SATB1: variants seen among roughly 807,000 people sequenced by gnomAD.
The protein encoded by SATB1 is SATB homeobox 1.
A neutral mutation model predicts 86.9 loss-of-function variants in SATB1; 11 were observed. The observed-to-expected ratio is 0.13, with a 90% CI of 0.08 to 0.21. The LOEUF is 0.21. SATB1 is among the 10% of genes least tolerant of loss of function. The pLI is 1.00. For missense variants in SATB1, 551 were observed against 937.6 expected (o/e 0.59, Z 5.39); for synonymous variants, 357 against 357.2 (o/e 1.00, Z 0.01).
chr3:18,416,691 A>G (rs1359042729), intron 3 of SATB1, among the ~76,000 whole-genome samples: 1 of 150,070 alleles, frequency 6.7e-6, no homozygotes, highest in Non-Finnish European at 1.5e-5. Context: ...GAAGTAATTT[A>G]AAAAAAAAAT....
rs1332190661 is a variant in SATB1, at chr3:18,347,784, ATG to A, written c.*1384_*1385del. On this transcript the variant is annotated 3_prime_UTR_variant, in exon 11 of 11. Coordinates refer to ENST00000338745, the MANE Select transcript of SATB1 (RefSeq NM_002971.6). ...ATTTCATACCTATTTAAAAATGAGC[ATG>A]TGTTTGTGATTTAAATTTACAGTGT... 6.6e-6 allele frequency: 1 copy of A among 152,202 alleles called. No homozygotes were observed. The highest frequency in any genetic ancestry group is 1.5e-5 in the Non-Finnish European group (1 of 68,010). 9.4% of individuals were successfully genotyped at this position (152,202 alleles called of 1,614,324 possible). A position where few individuals can be genotyped will look rare whatever the true frequency, so the allele number is the denominator to read the frequency against.
chr3:18,444,669 C>T lies in SATB1; in HGVS notation c.-25+849G>A, dbSNP rs2125216687. The T allele has an allele frequency of 1.0e-6, 1 of 983,974 alleles. No homozygotes were observed. The highest frequency in any genetic ancestry group is 1.2e-4 in the East Asian group (1 of 8,618). 61.0% of individuals were successfully genotyped at this position (983,974 alleles called of 1,614,324 possible). On this transcript the variant is annotated intron_variant, in intron 1 of 3. Transcript: ENST00000415069. The surrounding 1 kb of genome is among the most constrained non-coding windows in gnomAD (Gnocchi z 5.1). ...TGCGGGCCTGAAACCAAGAACGGCT[C>T]CCCGGGCGGGCGCGCCGGCGTCGGA...
rs150110315 is a variant in SATB1, at chr3:18,373,869, T to G, written c.1575+4301A>C. Among the ~76,000 whole-genome samples, 155 of 152,274 alleles carry G rather than the reference T, an allele frequency of 1.0e-3. 1 individual carries two copies. The highest frequency in any genetic ancestry group is 3.3e-3 in the African/African-American group (139 of 41,560). ...TTTTTTGTATTAAAAACATACCTATTCATCAGCCAAAGTTGTAGCAGCCAG... is the reference window on the plus strand; with the variant it reads ...TTTTTTGTATTAAAAACATACCTATGCATCAGCCAAAGTTGTAGCAGCCAG... On this transcript the variant is annotated intron_variant, in intron 9 of 10. Coordinates refer to ENST00000338745, the MANE Select transcript of SATB1 (RefSeq NM_002971.6).
intron 9 of SATB1, among the ~76,000 whole-genome samples, chr3:18,355,967 T>C (rs1228967909): frequency 6.6e-6 from 1 of 152,014 alleles, no homozygotes; most frequent in Non-Finnish European, 1.5e-5. Flanking sequence ...AGTAAAACTT[T>C]CAGGATGTTA....
At chr3:18,379,139 T>C (rs1472003241) in intron 8 of SATB1, among the ~76,000 whole-genome samples, 4 of 152,198 alleles carry the variant, frequency 2.6e-5, no homozygotes, top group Non-Finnish European at 5.9e-5. Flanking sequence ...AAAATCAGCA[T>C]CAATGCCTTT....
rs922915635 is a variant in SATB1, at chr3:18,348,308, G to A, written c.*862C>T. On this transcript the variant is annotated 3_prime_UTR_variant, in exon 11 of 11. Coordinates refer to ENST00000338745, the MANE Select transcript of SATB1 (RefSeq NM_002971.6). ...TAGTATGAATTGCTTGGATAACATA[G>A]AGCACTTTTTATAGGCAACTGTGTA... 2 of 152,674 alleles carry A rather than the reference G, an allele frequency of 1.3e-5. No individual in the cohort carries two copies. The highest frequency in any genetic ancestry group is 6.5e-5 in the Admixed American group (1 of 15,306). The allele number at this position is 152,674 out of a possible 1,614,324, so 9.5% of individuals were successfully genotyped here. A position where few individuals can be genotyped will look rare whatever the true frequency, so the allele number is the denominator to read the frequency against.
chr3:18,383,745 A>G (rs1236052421), intron 8 of SATB1, among the ~76,000 whole-genome samples: 2 of 152,166 alleles, frequency 1.3e-5, no homozygotes. Flanking sequence ...TTCAACTGCT[A>G]CAAGACAGCA....
chr3:18,418,192 C>T (rs182954905), intron 2 of SATB1, among the ~76,000 whole-genome samples: 18 of 152,228 alleles, frequency 1.2e-4, no homozygotes, highest in Admixed American at 9.8e-4. Context: ...ATACTAATGC[C>T]TCTATAAGCT....
chr3:18,353,061 G>GT (rs1312718888), intron 9 of SATB1: 3 of 152,236 alleles, frequency 2.0e-5, no homozygotes, highest in African/African-American at 7.2e-5. Context: ...AAGGGGAAGA[G>GT]TAAGGGTGTC....
intron 7 of SATB1, among the ~76,000 whole-genome samples, chr3:18,388,603 T>C (rs2125213784): frequency 6.6e-6 from 1 of 152,184 alleles, no homozygotes; most frequent in African/African-American, 2.4e-5. Context: ...AAGACCACAA[T>C]GGAGAAAACA....
intron 9 of SATB1, among the ~76,000 whole-genome samples, chr3:18,364,230 A>T (rs1158664374): frequency 6.6e-6 from 1 of 152,184 alleles, no homozygotes; most frequent in Non-Finnish European, 1.5e-5. Context: ...GCCTTTTCAG[A>T]ACAGCGTTTT....
chr3:18,346,942 T>C lies in SATB1; in HGVS notation c.*2228A>G, dbSNP rs1190525422. 2 of 152,164 alleles carry C rather than the reference T, an allele frequency of 1.3e-5. No homozygotes were observed. Among genetic ancestry groups the C allele is most frequent in the South Asian group, 2.1e-4 (1 of 4,830 alleles). The allele number at this position is 152,164 out of a possible 1,614,324, so 9.4% of individuals were successfully genotyped here. A position where few individuals can be genotyped will look rare whatever the true frequency, so the allele number is the denominator to read the frequency against. On this transcript the variant is annotated 3_prime_UTR_variant, in exon 11 of 11. Transcript: ENST00000338745. ...CTCAAATTATTACTTTTCTGAACTC[T>C]AGTGAGCCAGAATGTTTGTTTTCTT...
chr3:18,383,258 C>G (rs940361810), intron 8 of SATB1, among the ~76,000 whole-genome samples: 1 of 152,112 alleles, frequency 6.6e-6, no homozygotes, highest in South Asian at 2.1e-4. Flanking sequence ...CTAGGTGTCC[C>G]CAGGTGGGGT....
rs1036163825 is a variant in SATB1 at position 18,419,222 on chromosome 3, G to A, written c.211+1535C>T. 2.6e-5 allele frequency among the ~76,000 whole-genome samples: 4 copies of A among 152,130 alleles called. No homozygotes were observed. The East Asian group carries it at 5.8e-4, about 22-fold the overall frequency. On this transcript the variant is annotated intron_variant, in intron 2 of 10. Transcript: ENST00000338745. ...AGCAAACTGTTGCGGTTACCCTCCC[G>A]TTTCTGGGAGTAATGCTGAACACAA... is the stretch of plus-strand genomic sequence containing the variant.
At chr3:18,380,722 T>C (rs1321404146) in intron 8 of SATB1, among the ~76,000 whole-genome samples, 2 of 105,050 alleles carry the variant, frequency 1.9e-5, no homozygotes, top group Non-Finnish European at 4.5e-5. Flanking sequence ...TAGAATCACA[T>C]TTTTTTTTTT....
intron 9 of SATB1, among the ~76,000 whole-genome samples, chr3:18,369,947 G>A (rs1378260145): frequency 3.3e-5 from 5 of 152,192 alleles, no homozygotes; most frequent in Admixed American, 6.5e-5. Context: ...GCGTGCCTGC[G>A]TGTGTAAATA....
At chr3:18,350,469 T>TACATAAATATGTGACACATGC (rs1694294171) in intron 10 of SATB1, 1 of 152,280 alleles carries the variant, frequency 6.6e-6, no homozygotes, top group Admixed American at 6.5e-5. Context: ...TACACAATTA[T>TACATAAATATGTGACACATGC]ACATAAATAT....
At chr3:18,426,492 C>T (rs1207472400), upstream of SATB1, among the ~76,000 whole-genome samples, 1 of 152,052 alleles carries the variant, frequency 6.6e-6, no homozygotes, top group Non-Finnish European at 1.5e-5. This position sits in a 1 kb window ranked among gnomAD's most constrained non-coding sequence, Gnocchi z 4.2. Context: ...GGGTAGGTTA[C>T]CCAGTTAGAT....
chr3:18,364,979 G>A lies in SATB1; in HGVS notation c.1576-12784C>T, dbSNP rs78090548. On this transcript the variant is annotated intron_variant, in intron 9 of 10. Coordinates refer to ENST00000338745, the MANE Select transcript of SATB1 (RefSeq NM_002971.6). Reference sequence around the variant, plus strand: ...TTAGAGGTGTTTCAGAAGTACCCGCGTTGTGTATGTGTAGGGTTAAGGGGT... The same window carrying A: ...TTAGAGGTGTTTCAGAAGTACCCGCATTGTGTATGTGTAGGGTTAAGGGGT... Among the ~76,000 whole-genome samples, 1,335 of 152,098 alleles carry A rather than the reference G, an allele frequency of 8.8e-3. 22 individuals are homozygous for A. The highest frequency in any genetic ancestry group is 0.031 in the African/African-American group (1,287 of 41,486).
Sources: gnomAD v4.1 joint callset for allele counts (sites outside exome capture counted in the v4.1 genomes callset) on GRCh38, gnomAD v4.1.1 for gene constraint, Gnocchi (gnomAD v3.1) non-coding constraint, MANE v1.5 for transcripts, NCBI Gene and HGNC (gene_info 2026-07-23, HGNC 2026-07-21) for gene names.